BRD4: variants seen among roughly 807,000 people sequenced by gnomAD.
BRD4 encodes bromodomain-containing protein 4.
Under a neutral mutation model 142.1 loss-of-function variants are expected in BRD4, and 16 were observed. The ratio of observed to expected loss-of-function variants is 0.11; its 90% CI spans 0.08 to 0.17. The LOEUF is 0.17. Ranked by LOEUF, BRD4 falls within the 10% of genes least tolerant of loss-of-function variation. BRD4 has a pLI of 1.00. For missense variants in BRD4, 1,424 were observed against 1,810.9 expected (o/e 0.79, Z 3.88); for synonymous variants, 833 against 707.5 (o/e 1.18, Z -2.82).
chr19:15,304,241 T>C (rs1416554155), intron 1 of BRD4, among the ~76,000 whole-genome samples: 1 of 152,172 alleles, frequency 6.6e-6, no homozygotes, highest in Non-Finnish European at 1.5e-5. Context: ...GTCTGTTTGT[T>C]TGCCCACAGG....
At chr19:15,262,524 TA>T (rs559468375) in intron 7 of BRD4, among the ~76,000 whole-genome samples, 143 of 97,798 alleles carry the variant, frequency 1.5e-3, no homozygotes, top group East Asian at 2.2e-3. Context: ...CCCATCTCTT[TA>T]AAAAAAAAAA....
rs969230912 is a variant in BRD4, at chr19:15,236,587, G to C, written c.*1790C>G. The C allele has an allele frequency of 6.5e-6, 1 of 154,460 alleles. No individual in the cohort carries two copies. Among genetic ancestry groups the C allele is most frequent in the Non-Finnish European group, 1.4e-5 (1 of 69,484 alleles). 9.6% of individuals were successfully genotyped at this position (154,460 alleles called of 1,614,324 possible). On this transcript the variant is annotated 3_prime_UTR_variant, in exon 20 of 20. Coordinates refer to ENST00000679869, the MANE Select transcript of BRD4 (RefSeq NM_001379291.1). ...CTGGAGTCTGGCCAGGGTTCTGCTA[G>C]AGCACACCCTCCACCTCAGCCAGGG...
At chr19:15,327,239 T>A (rs1016474912) in intron 1 of BRD4, among the ~76,000 whole-genome samples, 2 of 152,090 alleles carry the variant, frequency 1.3e-5, no homozygotes, top group African/African-American at 4.8e-5. Context: ...CCAGAGAAAC[T>A]AAAACCTGTA....
intron 11 of BRD4, chr19:15,249,167 CA>C: frequency 6.4e-7 from 1 of 1,566,890 alleles, no homozygotes; most frequent in Non-Finnish European, 8.7e-7. Flanking sequence ...TGAGGAATTC[CA>C]TAACTTGATG....
chr19:15,299,539 C>A (rs921597107), intron 1 of BRD4, among the ~76,000 whole-genome samples: 1 of 152,164 alleles, frequency 6.6e-6, no homozygotes, highest in Non-Finnish European at 1.5e-5. Flanking sequence ...CATGGCCAAG[C>A]CCAGCTAAGA....
chr19:15,264,542 G>A lies in BRD4; in HGVS notation c.1074C>T (p.Ser358=), dbSNP rs200150650. ...SKVSEQLKCC[S]GILKEMFAKK... is the part of the protein sequence containing the mutation. ...TGGCAAACATCTCCTTGAGGATGCC[G>A]CTGCAGCACTTGAGCTGCTCCGAGA... The change falls in exon 6 of 20, where the codon AGC becomes AGT. Residue 358 remains serine, a synonymous_variant. Transcript: ENST00000679869. The A allele has an allele frequency of 1.2e-4, 200 of 1,614,196 alleles. No individual in the cohort carries two copies. Among genetic ancestry groups the A allele is most frequent in the Non-Finnish European group, 1.6e-4 (193 of 1,180,050 alleles).
chr19:15,298,823 T>C (rs776590540), intron 1 of BRD4, among the ~76,000 whole-genome samples: 1 of 151,990 alleles, frequency 6.6e-6, no homozygotes, highest in Admixed American at 6.6e-5. Context: ...CATTCAAATA[T>C]CAATCCGACT....
chr19:15,245,108 C>A (rs1439564422), intron 11 of BRD4: 12 of 361,632 alleles, frequency 3.3e-5, no homozygotes, highest in Admixed American at 2.3e-4. Flanking sequence ...GAGTGCATGG[C>A]CTGGACAGCA....
chr19:15,314,154 T>C (rs996126023), intron 1 of BRD4, among the ~76,000 whole-genome samples: 1 of 152,182 alleles, frequency 6.6e-6, no homozygotes, highest in Non-Finnish European at 1.5e-5. Context: ...CTTCACATTT[T>C]CCACACACAA....
chr19:15,283,574 C>T (rs1390554504), intron 1 of BRD4, among the ~76,000 whole-genome samples: 2 of 152,266 alleles, frequency 1.3e-5, no homozygotes, highest in South Asian at 2.1e-4. Flanking sequence ...TGGTTCATGA[C>T]CACAATGCCT....
rs1379593977 is a variant in BRD4, at chr19:15,291,419, C to A, written c.-34-18286G>T. Among the ~76,000 whole-genome samples, 3 of 152,112 alleles carry A rather than the reference C, an allele frequency of 2.0e-5. No individual in the cohort carries two copies. The South Asian group carries it at 6.2e-4, about 32-fold the overall frequency. On this transcript the variant is annotated intron_variant, in intron 1 of 19. Transcript: ENST00000679869. ...GATAGACAATCAAGAATGAAAATAA[C>A]AACTAAAATTAGGAGATGGTAAACC...
In BRD4 at chr19:15,237,617, A is replaced by G. The variant is rs1159511274; in HGVS notation, c.*760T>C. On this transcript the variant is annotated 3_prime_UTR_variant, in exon 20 of 20. Coordinates refer to ENST00000679869, the MANE Select transcript of BRD4 (RefSeq NM_001379291.1). ...TAAAATAGAATTCAACAAAAAATAT[A>G]TATAGAAAAAAAAGAAAAAAAAAAA... 1 of 228,562 alleles carries G rather than the reference A, an allele frequency of 4.4e-6. No homozygotes were observed. The highest frequency in any genetic ancestry group is 5.7e-5 in the Admixed American group (1 of 17,582). The allele number at this position is 228,562 out of a possible 1,614,324, so 14.2% of individuals were successfully genotyped here. A position where few individuals can be genotyped will look rare whatever the true frequency, so the allele number is the denominator to read the frequency against.
intron 1 of BRD4, among the ~76,000 whole-genome samples, chr19:15,324,916 C>T (rs2048094298): frequency 6.6e-6 from 1 of 152,202 alleles, no homozygotes; most frequent in South Asian, 2.1e-4. Flanking sequence ...TCAAGCACCT[C>T]TTCCACTGGT....
At chr19:15,279,787 G>A (rs376301268) in intron 1 of BRD4, among the ~76,000 whole-genome samples, 2 of 152,288 alleles carry the variant, frequency 1.3e-5, no homozygotes, top group South Asian at 2.1e-4. Context: ...GTTGGGACCA[G>A]CTATACTTTG....
chr19:15,247,789 T>C (rs1184134727), intron 11 of BRD4: 1 of 232,630 alleles, frequency 4.3e-6, no homozygotes, highest in Non-Finnish European at 8.5e-6. Context: ...TGAGAATAGT[T>C]TGTTTGGCAA....
At chr19:15,291,024 C>T (rs2145667083) in intron 1 of BRD4, among the ~76,000 whole-genome samples, 1 of 152,232 alleles carries the variant, frequency 6.6e-6, no homozygotes, top group East Asian at 1.9e-4. Context: ...ACTTCAGACC[C>T]TGCAAAACCC....
intron 1 of BRD4, among the ~76,000 whole-genome samples, chr19:15,316,228 T>C (rs367950242): frequency 1.5e-5 from 2 of 137,094 alleles, no homozygotes; most frequent in South Asian, 2.6e-4. Flanking sequence ...GTTCACACCA[T>C]AATTTTAACA....
chr19:15,310,388 T>G (rs2047959173), intron 1 of BRD4, among the ~76,000 whole-genome samples: 1 of 59,802 alleles, frequency 1.7e-5, no homozygotes, highest in African/African-American at 6.0e-5. Flanking sequence ...CCCGAAGGAG[T>G]CTCACTCTGT....
At chr19:15,309,092 T>G (rs1011542984) in intron 1 of BRD4, among the ~76,000 whole-genome samples, 1 of 151,460 alleles carries the variant, frequency 6.6e-6, no homozygotes, top group Non-Finnish European at 1.5e-5. Context: ...ATCCCAGCAC[T>G]TTGGGAGGCT....
Sources: allele counts gnomAD v4.1 joint callset (sites outside exome capture counted in the v4.1 genomes callset), GRCh38; gene constraint gnomAD v4.1.1; transcripts MANE v1.5; gene names NCBI Gene and HGNC (gene_info 2026-07-23, HGNC 2026-07-21).